Variants in SLTM observed in about 807,000 individuals in gnomAD.
SLTM encodes SAFB like transcription modulator, also known as SAFB-like transcription modulator.
A neutral mutation model predicts 134.6 loss-of-function variants in SLTM; 43 were observed. That is an observed-to-expected ratio of 0.32 (90% CI 0.25 to 0.41). The LOEUF is 0.41. Ranked by LOEUF, SLTM falls within the 10% of genes least tolerant of loss-of-function variation. The pLI, the probability that SLTM is intolerant of heterozygous loss-of-function variation, is 1.00. For missense variants in SLTM, 1,055 were observed against 1,288.8 expected (o/e 0.82, Z 2.78); for synonymous variants, 424 against 432.3 (o/e 0.98, Z 0.24).
At chr15:58,929,728 T>C (rs1439039698) in intron 2 of SLTM, among the ~76,000 whole-genome samples, 1 of 151,840 alleles carries the variant, frequency 6.6e-6, no homozygotes, top group Non-Finnish European at 1.5e-5. Flanking sequence ...TAAAATAATC[T>C]TATCACTTTG....
At chr15:58,880,793 T>A (rs1043454108) in intron 20 of SLTM, among the ~76,000 whole-genome samples, 7 of 152,046 alleles carry the variant, frequency 4.6e-5, no homozygotes, top group African/African-American at 1.7e-4. Flanking sequence ...CTTGAACTCC[T>A]GGGCTCAAAA....
At position 58,894,176 on chromosome 15, in the gene SLTM, A is replaced by G. The variant is rs781638871; in HGVS notation, c.1395T>C (p.Ser465=). The part of the protein sequence containing the change: ...ISVEKVKGDP[S]KKEMKKENDE... ...CATTTTCTTTCTTCATTTCTTTCTTAGAGGGATCACCTTTTACCTGAAAGG... is the reference window on the plus strand; with the variant it reads ...CATTTTCTTTCTTCATTTCTTTCTTGGAGGGATCACCTTTTACCTGAAAGG... Residue 465 remains serine (S), a synonymous_variant, in exon 11 of 21, where the codon TCT becomes TCC. Transcript: ENST00000380516. 1 of 1,609,904 alleles carries G rather than the reference A, an allele frequency of 6.2e-7. No homozygotes were observed. Among genetic ancestry groups the G allele is most frequent in the South Asian group, 1.1e-5 (1 of 90,588 alleles).
chr15:58,927,672 C>G (rs80233741), intron 2 of SLTM, among the ~76,000 whole-genome samples: 3,870 of 152,262 alleles, frequency 0.025, 160 homozygotes, highest in African/African-American at 0.089. Context: ...ATGCTCTACA[C>G]CAGGCATTAC....
Position 58,893,889 on chromosome 15 carries a change from T to C in SLTM, c.1580A>G (p.Lys527Arg). The change falls in exon 12 of 21, where the codon AAG becomes AGG. Residue 527 changes from lysine (K) to arginine (R), a missense_variant. By Grantham distance (26) the Lys-to-Arg change is conservative. Around this residue, in one of 3 missense-constraint regions of SLTM, gnomAD observed 776 missense variants for 962.2 expected, o/e 0.81. Transcript: ENST00000380516. ...TTGGCCACTTGCTCCATTATCATTCTTCTCATCTTTACCTTCTATTTTCTT... is the reference window on the plus strand; with the variant it reads ...TTGGCCACTTGCTCCATTATCATTCCTCTCATCTTTACCTTCTATTTTCTT... ...DTKKIEGKDE[K>R]NDNGASGQTS... The C allele has an allele frequency of 6.2e-7, 1 of 1,613,458 alleles. No homozygotes were observed.
chr15:58,883,312 C>T (rs1424370107), intron 20 of SLTM, among the ~76,000 whole-genome samples: 1 of 152,118 alleles, frequency 6.6e-6, no homozygotes, highest in Non-Finnish European at 1.5e-5. Context: ...GAGACTCCAT[C>T]TCAAAAAACA....
chr15:58,908,048 ATTTCTTTTTCTTTCTTTTTTTTT>A (rs2035995165), intron 5 of SLTM, among the ~76,000 whole-genome samples: 1 of 84,328 alleles, frequency 1.2e-5, no homozygotes, highest in South Asian at 4.0e-4. Context: ...CATATACATA[ATTTCTTTTTCTTTCTTTTTTTTT>A]TTTAAGACAG....
In SLTM at chr15:58,893,448, T is replaced by C. The variant is rs3890008; in HGVS notation, c.1649-84A>G. 5,273 of 907,534 alleles carry C rather than the reference T, an allele frequency of 5.8e-3. 192 individuals are homozygous for C. In the African/African-American group the frequency reaches 0.077, roughly 13 times the overall value. 56.2% of individuals were successfully genotyped at this position (907,534 alleles called of 1,614,324 possible). A position where few individuals can be genotyped will look rare whatever the true frequency, so the allele number is the denominator to read the frequency against. ...TGTATGTAAAAATGCTAAATTCTGA[T>C]AGTCACACACCAATACATGAAATAA... On this transcript the variant is annotated intron_variant, in intron 12 of 20. Transcript: ENST00000380516.
rs781246800 is a variant in SLTM at position 58,899,498 on chromosome 15, C to T, written c.1029G>A (p.Ser343=). ...TTGCTTGACCAGAGGCCCCAGTAGA[C>T]GAGGGCCCTTTCTTCAAAGTATCCT... ...KEKDTLKKGP[S]STGASGQAKS... Residue 343 remains serine (S), a synonymous_variant, in exon 7 of 21, where the codon TCG becomes TCA. Transcript: ENST00000380516. The surrounding 1 kb of genome is among the most constrained non-coding windows in gnomAD (Gnocchi z 5.0). 8.1e-6 allele frequency: 13 copies of T among 1,613,962 alleles called. No individual in the cohort carries two copies. The highest frequency in any genetic ancestry group is 3.3e-5 in the Admixed American group (2 of 60,002).
chr15:58,903,887 T>G (rs1255606346), intron 5 of SLTM, among the ~76,000 whole-genome samples: 2 of 152,240 alleles, frequency 1.3e-5, no homozygotes, highest in African/African-American at 4.8e-5. Context: ...AATACAATTT[T>G]AGATTCATAT....
chr15:58,880,154 T>C (rs1452015046), intron 20 of SLTM, 47 bp from the exon 21 acceptor site: 1 of 1,594,350 alleles, frequency 6.3e-7, no homozygotes, highest in South Asian at 1.1e-5. Context: ...AAAGAACAAA[T>C]CATCACTGCA....
At chr15:58,921,972 A>G (rs1305160573) in intron 2 of SLTM, among the ~76,000 whole-genome samples, 1 of 152,026 alleles carries the variant, frequency 6.6e-6, no homozygotes, top group African/African-American at 2.4e-5. Flanking sequence ...ACAGGGTTTC[A>G]GCATGTTGAC....
At chr15:58,911,225 A>G (rs868703925) in intron 5 of SLTM, among the ~76,000 whole-genome samples, 37 of 152,342 alleles carry the variant, frequency 2.4e-4, no homozygotes, top group Middle Eastern at 6.8e-3. Flanking sequence ...ATATAGCCTC[A>G]GAAGCATTTG....
At chr15:58,902,994 C>T (rs1434373965) in intron 5 of SLTM, among the ~76,000 whole-genome samples, 5 of 151,992 alleles carry the variant, frequency 3.3e-5, no homozygotes, top group South Asian at 2.1e-4. Context: ...TTCCGCCTCC[C>T]GGGTTCAAGC....
intron 2 of SLTM, among the ~76,000 whole-genome samples, chr15:58,923,903 CT>C (rs1292952400): frequency 7.0e-6 from 1 of 143,220 alleles, no homozygotes; most frequent in Non-Finnish European, 1.5e-5. Context: ...CAACCTCTGC[CT>C]TCCGAGTTCA....
At position 58,879,276 on chromosome 15, in the gene SLTM, G is replaced by C. The variant is rs1417656562; in HGVS notation, c.*723C>G. The C allele has an allele frequency of 2.0e-5, 3 of 151,996 alleles. No homozygotes were observed. The highest frequency in any genetic ancestry group is 4.8e-5 in the African/African-American group (2 of 41,342). The allele number at this position is 151,996 out of a possible 1,614,324, so 9.4% of individuals were successfully genotyped here. ...AAAAGTGCACTTACCTGCACAACTC[G>C]GTCTAAGAACCTTGTGAAACAAACC... On this transcript the variant is annotated 3_prime_UTR_variant, in exon 21 of 21. Transcript: ENST00000380516.
At chr15:58,921,616 A>C (rs1369228442) in intron 2 of SLTM, 1 of 438,560 alleles carries the variant, frequency 2.3e-6, no homozygotes, top group South Asian at 1.7e-5. Context: ...ATTGTCAAAC[A>C]GTGATGAAAC....
At chr15:58,927,103 G>A (rs1251801737) in intron 2 of SLTM, among the ~76,000 whole-genome samples, 2 of 152,104 alleles carry the variant, frequency 1.3e-5, no homozygotes, top group Non-Finnish European at 2.9e-5. Context: ...ACATATCAAT[G>A]TGTAAGGAGA....
intron 2 of SLTM, among the ~76,000 whole-genome samples, chr15:58,918,979 A>G (rs565108514): frequency 7.2e-5 from 11 of 152,074 alleles, no homozygotes; most frequent in African/African-American, 2.4e-4. Flanking sequence ...CAGTGGCGCA[A>G]TCTCGGCTCA....
intron 5 of SLTM, among the ~76,000 whole-genome samples, chr15:58,907,861 G>A (rs558567870): frequency 4.2e-4 from 64 of 152,146 alleles, no homozygotes; most frequent in African/African-American, 1.4e-3. Flanking sequence ...TCACAGTATT[G>A]TAATTAACTA....
Sources: gnomAD v4.1 joint callset for allele counts (sites outside exome capture counted in the v4.1 genomes callset) on GRCh38, gnomAD v4.1.1 for gene constraint, gnomAD v4.1.1 regional missense constraint, Gnocchi (gnomAD v3.1) non-coding constraint, MANE v1.5 for transcripts, NCBI Gene and HGNC (gene_info 2026-07-23, HGNC 2026-07-21) for gene names.